GTPBP2: variants seen among roughly 807,000 people sequenced by gnomAD.
The protein encoded by GTPBP2 is GTP binding protein 2, also known as GTP-binding protein 2.
A neutral mutation model predicts 63.0 loss-of-function variants in GTPBP2; 32 were observed. The ratio of observed to expected loss-of-function variants is 0.51; its 90% CI spans 0.38 to 0.68. GTPBP2 has a LOEUF of 0.68. Ranked by LOEUF, GTPBP2 falls within the 30% of genes least tolerant of loss-of-function variation. GTPBP2 has a pLI of 0.00. For synonymous variants in GTPBP2, 310 were observed against 322.6 expected (o/e 0.96, Z 0.42); for missense variants, 492 against 796.9 (o/e 0.62, Z 4.61).
intron 9 of GTPBP2, 57 bp downstream of exon 9, chr6:43,623,680 G>T: frequency 7.8e-7 from 1 of 1,277,604 alleles, no homozygotes; most frequent in Non-Finnish European, 1.1e-6. Flanking sequence ...GGGCCAGGAT[G>T]TCTTTGAGTA....
Position 43,622,573 on chromosome 6 carries a change from T to A in GTPBP2, c.1467+60A>T, listed in dbSNP as rs936757493. ...GCACCTTAGATAGGTGCTCATTCAG[T>A]AGCCAGTCTCCTAGGCACTTCTCTT... is the stretch of plus-strand genomic sequence containing the variant. On this transcript the variant is annotated intron_variant, in intron 10 of 11. Transcript: ENST00000307126. The surrounding 1 kb of genome is among the most constrained non-coding windows in gnomAD (Gnocchi z 5.4). 2.0e-6 allele frequency: 3 copies of A among 1,472,652 alleles called. No homozygotes were observed. Among genetic ancestry groups the A allele is most frequent in the Non-Finnish European group, 2.8e-6 (3 of 1,067,750 alleles). 91.2% of individuals were successfully genotyped at this position (1,472,652 alleles called of 1,614,324 possible).
In GTPBP2 at chr6:43,622,363, A is replaced by G. The variant is rs1049142210; in HGVS notation, c.1468-196T>C. Among the ~76,000 whole-genome samples the G allele has an allele frequency of 6.6e-6, 1 of 152,176 alleles. No individual in the cohort carries two copies. The highest frequency in any genetic ancestry group is 1.5e-5 in the Non-Finnish European group (1 of 68,016). On this transcript the variant is annotated intron_variant, in intron 10 of 11. Transcript: ENST00000307126. The surrounding 1 kb of genome is among the most constrained non-coding windows in gnomAD (Gnocchi z 5.4). ...ACCCACCTCCTACGTCCTCTAGCCC[A>G]TCTAACGCTTCACATTTTTAGGGTC...
intron 1 of GTPBP2, 30 bp downstream of exon 1, chr6:43,628,947 T>C (rs750761133): frequency 6.2e-7 from 1 of 1,608,486 alleles, no homozygotes; most frequent in Non-Finnish European, 8.5e-7. Context: ...GAGTGGCTTC[T>C]TCCCGCCCTA....
rs954713391 is a variant in GTPBP2 at position 43,626,730 on chromosome 6, G to T, written c.213+192C>A. Among the ~76,000 whole-genome samples the T allele has an allele frequency of 6.6e-6, 1 of 151,816 alleles. No individual in the cohort carries two copies. The highest frequency in any genetic ancestry group is 1.5e-5 in the Non-Finnish European group (1 of 67,968). On this transcript the variant is annotated intron_variant, in intron 2 of 11. Transcript: ENST00000307126. The surrounding 1 kb of genome is among the most constrained non-coding windows in gnomAD (Gnocchi z 4.0). ...TACAAAATTAGCCAGGCATGGTGGC[G>T]CATGCCTGTAATCCCAGCTACTTGG...
At chr6:43,629,572 G>A (rs2127850974), upstream of GTPBP2, 1 of 695,286 alleles carries the variant, frequency 1.4e-6, no homozygotes, top group East Asian at 2.7e-5. Flanking sequence ...CCTGGGGTGG[G>A]GACGCGAGGA....
At chr6:43,623,570 A>C in intron 9 of GTPBP2, 167 bp downstream of exon 9, 1 of 630,766 alleles carries the variant, frequency 1.6e-6, no homozygotes. Flanking sequence ...TCCAAAGCCA[A>C]CAGACTACCG....
Position 43,622,706 on chromosome 6 carries a change from G to A in GTPBP2, c.1394C>T (p.Ala465Val), listed in dbSNP as rs1028719766. The change falls in exon 10 of 12, where the codon GCC becomes GTC. Residue 465 changes from alanine (A) to valine (V), a missense_variant. Transcript: ENST00000307126. This position sits in a 1 kb window ranked among gnomAD's most constrained non-coding sequence, Gnocchi z 5.4. Reference sequence around the variant, plus strand: ...CTGACCAGCTCGCAGCACACGACAGGCAGAGCGGTTGCGCTGGATGCTGCA... The same window carrying A: ...CTGACCAGCTCGCAGCACACGACAGACAGAGCGGTTGCGCTGGATGCTGCA... ...RVCSIQRNRS[A>V]CRVLRAGQAA... 5.0e-6 allele frequency: 8 copies of A among 1,614,132 alleles called. No homozygotes were observed. The highest frequency in any genetic ancestry group is 5.9e-6 in the Non-Finnish European group (7 of 1,179,998).
Position 43,624,693 on chromosome 6 carries a change from G to C in GTPBP2, c.917C>G (p.Ala306Gly). ...CACGATGAAGAAGGGCACTTTCAGG[G>C]CCAGGGCCAGCCCCAGATGTTCCCT... ...TTREHLGLAL[A>G]LKVPFFIVVS... Residue 306 changes from alanine (A) to glycine (G), a missense_variant, in exon 7 of 12, where the codon GCC (alanine) becomes GGC (glycine). By Grantham distance (60) the Ala-to-Gly change is moderately conservative. This residue lies in a region of GTPBP2 where 400 missense variants were observed against 710.8 expected (regional missense o/e 0.56). Coordinates refer to ENST00000307126, the MANE Select transcript of GTPBP2 (RefSeq NM_019096.5). This position sits in a 1 kb window ranked among gnomAD's most constrained non-coding sequence, Gnocchi z 5.1. 1 of 1,614,020 alleles carries C rather than the reference G, an allele frequency of 6.2e-7. No homozygotes were observed. The highest frequency in any genetic ancestry group is 8.5e-7 in the Non-Finnish European group (1 of 1,180,010).
intron 1 of GTPBP2, 101 bp downstream of exon 1, chr6:43,628,876 C>T: frequency 7.6e-7 from 1 of 1,311,000 alleles, no homozygotes; most frequent in Admixed American, 1.7e-5. Context: ...CCTGGGGTCT[C>T]GACACCGGAA....
At position 43,625,949 on chromosome 6, in the gene GTPBP2, C is replaced by T; in HGVS notation, c.399-85G>A. ...CTCTGGACCTACAGACTTCCTGCAC[C>T]TCCCACAGAGCTCCCAATACCTTAG... On this transcript the variant is annotated intron_variant, in intron 3 of 11. Coordinates refer to ENST00000307126, the MANE Select transcript of GTPBP2 (RefSeq NM_019096.5). The surrounding 1 kb of genome is among the most constrained non-coding windows in gnomAD (Gnocchi z 5.1). 9.6e-7 allele frequency: 1 copy of T among 1,037,868 alleles called. No individual in the cohort carries two copies. The allele number at this position is 1,037,868 out of a possible 1,614,324, so 64.3% of individuals were successfully genotyped here.
Position 43,626,142 on chromosome 6 carries a change from G to T in GTPBP2, c.398+84C>A. The T allele has an allele frequency of 2.4e-6, 3 of 1,273,908 alleles. No homozygotes were observed. The highest frequency in any genetic ancestry group is 3.4e-6 in the Non-Finnish European group (3 of 893,908). 78.9% of individuals were successfully genotyped at this position (1,273,908 alleles called of 1,614,324 possible). A position where few individuals can be genotyped will look rare whatever the true frequency, so the allele number is the denominator to read the frequency against. Reference sequence around the variant, plus strand: ...GTCAAGAGAAGGAAAGTCCCACCTTGGCCCCTCAGGCCCTAGGTAACTGGG... The same window carrying T: ...GTCAAGAGAAGGAAAGTCCCACCTTTGCCCCTCAGGCCCTAGGTAACTGGG... On this transcript the variant is annotated intron_variant, in intron 3 of 11. Coordinates refer to ENST00000307126, the MANE Select transcript of GTPBP2 (RefSeq NM_019096.5). This position sits in a 1 kb window ranked among gnomAD's most constrained non-coding sequence, Gnocchi z 4.0.
intron 8 of GTPBP2, 46 bp from the exon 9 acceptor site, chr6:43,623,841 G>T: frequency 1.2e-6 from 2 of 1,609,432 alleles, no homozygotes; most frequent in Non-Finnish European, 1.7e-6. Context: ...AGTAGGGCTG[G>T]TGGGTCCAAA....
chr6:43,628,520 T>G, intron 1 of GTPBP2: 1 of 964,204 alleles, frequency 1.0e-6, no homozygotes, highest in Non-Finnish European at 1.2e-6. Flanking sequence ...AACATACTGC[T>G]CTTTTCCCGA....
rs772418597 is a variant in GTPBP2 at position 43,622,192 on chromosome 6, C to T, written c.1468-25G>A. 1.3e-6 allele frequency: 2 copies of T among 1,595,952 alleles called. No homozygotes were observed. The highest frequency in any genetic ancestry group is 1.7e-6 in the Non-Finnish European group (2 of 1,166,680). On this transcript the variant is annotated intron_variant, in intron 10 of 11. Transcript: ENST00000307126. This position sits in a 1 kb window ranked among gnomAD's most constrained non-coding sequence, Gnocchi z 5.4. Reference sequence around the variant, plus strand: ...CCTGGGGAGGAACAGACCCCAGGCCCAGGAAGGGCAGCTCTAACATCAGAC... The same window carrying T: ...CCTGGGGAGGAACAGACCCCAGGCCTAGGAAGGGCAGCTCTAACATCAGAC...
chr6:43,629,904 T>A, upstream of GTPBP2: 1 of 1,167,974 alleles, frequency 8.6e-7, no homozygotes, highest in South Asian at 1.6e-5. Flanking sequence ...CAGGGGCTGG[T>A]TTTAATAACC....
Position 43,628,556 on chromosome 6 carries a change from C to T in GTPBP2, c.186+421G>A, listed in dbSNP as rs532881212. 2.4e-5 allele frequency: 24 copies of T among 983,500 alleles called. No homozygotes were observed. In the African/African-American group the frequency reaches 3.9e-4, roughly 16 times the overall value. The allele number at this position is 983,500 out of a possible 1,614,324, so 60.9% of individuals were successfully genotyped here. On this transcript the variant is annotated intron_variant, in intron 1 of 11. Transcript: ENST00000307126. ...GTACTGTGTGTGTGTCCGTGTGGAACATATTGCTCTTTTCCCGGGTACTCC... is the reference window on the plus strand; with the variant it reads ...GTACTGTGTGTGTGTCCGTGTGGAATATATTGCTCTTTTCCCGGGTACTCC...
At position 43,629,250 on chromosome 6, in the gene GTPBP2, C is replaced by T. The variant is rs1379539995; in HGVS notation, c.-88G>A. On this transcript the variant is annotated 5_prime_UTR_variant, in exon 1 of 12. Transcript: ENST00000307126. ...CCTTACTGCCACTGCCGTGTCCGGC[C>T]GGCCTGAGCAGAGTGGGGTGGGGCT... The T allele has an allele frequency of 9.9e-7, 1 of 1,014,560 alleles. No homozygotes were observed. Among genetic ancestry groups the T allele is most frequent in the Non-Finnish European group, 1.3e-6 (1 of 763,614 alleles). 62.8% of individuals were successfully genotyped at this position (1,014,560 alleles called of 1,614,324 possible). A position where few individuals can be genotyped will look rare whatever the true frequency, so the allele number is the denominator to read the frequency against.
Position 43,621,092 on chromosome 6 carries a change from G to A in GTPBP2, c.*522C>T, listed in dbSNP as rs1004207110. The A allele has an allele frequency of 3.2e-6, 1 of 308,458 alleles. No individual in the cohort carries two copies. Among genetic ancestry groups the A allele is most frequent in the Non-Finnish European group, 6.5e-6 (1 of 154,578 alleles). 19.1% of individuals were successfully genotyped at this position (308,458 alleles called of 1,614,324 possible). A position where few individuals can be genotyped will look rare whatever the true frequency, so the allele number is the denominator to read the frequency against. On this transcript the variant is annotated 3_prime_UTR_variant, in exon 12 of 12. Transcript: ENST00000307126. ...GGCAACACTACCATTCACTGTCCCT[G>A]TGCCATTTCTTCAGACTCTGGGCCG...
Position 43,621,797 on chromosome 6 carries a change from C to T in GTPBP2, c.1633-7G>A, listed in dbSNP as rs746169588. The T allele has an allele frequency of 1.4e-5, 22 of 1,614,034 alleles. No homozygotes were observed. Among genetic ancestry groups the T allele is most frequent in the Non-Finnish European group, 1.8e-5 (21 of 1,180,010 alleles). ...CGCCTGTCCGCAGTTTGTCCTGCAGCAAATAAGTGGTCACTCCCCTGGCCA... is the reference window on the plus strand; with the variant it reads ...CGCCTGTCCGCAGTTTGTCCTGCAGTAAATAAGTGGTCACTCCCCTGGCCA... On this transcript the variant is annotated splice_polypyrimidine_tract_variant and splice_region_variant and intron_variant, in intron 11 of 11. Coordinates refer to ENST00000307126, the MANE Select transcript of GTPBP2 (RefSeq NM_019096.5).
Sources: gnomAD v4.1 joint callset for allele counts (sites outside exome capture counted in the v4.1 genomes callset) on GRCh38, gnomAD v4.1.1 for gene constraint, gnomAD v4.1.1 regional missense constraint, Gnocchi (gnomAD v3.1) non-coding constraint, MANE v1.5 for transcripts, NCBI Gene and HGNC (gene_info 2026-07-23, HGNC 2026-07-21) for gene names.